The following TMEM87A variants were observed in gnomAD, a reference collection of about 807,000 sequenced individuals.
The protein encoded by TMEM87A is transmembrane protein 87A.
In TMEM87A, 50 loss-of-function variants were observed where a neutral mutation model predicts 90.0. The observed-to-expected ratio is 0.56, with a 90% confidence interval of 0.44 to 0.70. The LOEUF is 0.70. TMEM87A is among the 30% of genes least tolerant of loss of function. The pLI is 0.00. For synonymous variants in TMEM87A, 226 were observed against 226.7 expected (o/e 1.00, Z 0.03); for missense variants, 577 against 660.5 (o/e 0.87, Z 1.39).
At chr15:42,220,311 A>G (rs149780524) in intron 15 of TMEM87A, among the ~76,000 whole-genome samples, 176 bp from the exon 16 acceptor site, 284 of 152,366 alleles carry the variant, frequency 1.9e-3, no homozygotes, top group African/African-American at 6.4e-3. Flanking sequence ...TTAGCAAGGG[A>G]GAAGCAGGAC....
intron 2 of TMEM87A, among the ~76,000 whole-genome samples, 193 bp downstream of exon 2, chr15:42,271,870 C>T (rs1234901051): frequency 6.6e-6 from 1 of 151,038 alleles, no homozygotes; most frequent in African/African-American, 2.4e-5. Flanking sequence ...ACCAGAAAAA[C>T]AAGAGAAGAA....
chr15:42,225,252 T>G (rs902494153), intron 15 of TMEM87A, among the ~76,000 whole-genome samples: 5 of 151,888 alleles, frequency 3.3e-5, no homozygotes, highest in African/African-American at 1.2e-4. Flanking sequence ...TTTTCCTTCT[T>G]TGGTGGTATG....
At chr15:42,214,124 C>G (rs2050341333) in intron 19 of TMEM87A, among the ~76,000 whole-genome samples, 1 of 150,610 alleles carries the variant, frequency 6.6e-6, no homozygotes, top group South Asian at 2.1e-4. Context: ...ATAGAAAATC[C>G]GGGGGGGGAA....
intron 6 of TMEM87A, among the ~76,000 whole-genome samples, chr15:42,247,886 A>C (rs1421663324): frequency 6.6e-6 from 1 of 152,052 alleles, no homozygotes; most frequent in African/African-American, 2.4e-5. Flanking sequence ...CAGTATGGCC[A>C]TTTTCACAAT....
intron 15 of TMEM87A, among the ~76,000 whole-genome samples, chr15:42,221,295 G>C (rs12899160): frequency 1.4e-5 from 2 of 147,096 alleles, no homozygotes; most frequent in Non-Finnish European, 3.1e-5. Context: ...GAGAGAGAGA[G>C]ACAGAGAGAG....
chr15:42,220,763 T>G (rs1024291853), intron 15 of TMEM87A, among the ~76,000 whole-genome samples: 1 of 152,138 alleles, frequency 6.6e-6, no homozygotes, highest in African/African-American at 2.4e-5. Flanking sequence ...TAGAATGCTT[T>G]AGCTTTTATT....
intron 15 of TMEM87A, 48 bp downstream of exon 15, chr15:42,226,758 T>C: frequency 1.3e-6 from 2 of 1,534,788 alleles, no homozygotes; most frequent in South Asian, 1.1e-5. Context: ...CCCTAATTGA[T>C]GACATGGTCA....
intron 1 of TMEM87A, 182 bp downstream of exon 1, chr15:42,273,073 T>C (rs2051580268): frequency 1.2e-5 from 9 of 730,162 alleles, no homozygotes; most frequent in African/African-American, 1.1e-4. Flanking sequence ...GCTAGCCTAA[T>C]CACAGAAGTG....
intron 15 of TMEM87A, among the ~76,000 whole-genome samples, chr15:42,222,384 A>G (rs2140920369): frequency 6.6e-6 from 1 of 152,224 alleles, no homozygotes; most frequent in East Asian, 1.9e-4. Context: ...AGAGCCAGGT[A>G]GTATGCAGCT....
chr15:42,226,434 G>GA (rs1380019706), intron 15 of TMEM87A, among the ~76,000 whole-genome samples: 3 of 151,984 alleles, frequency 2.0e-5, no homozygotes, highest in Non-Finnish European at 2.9e-5. Context: ...ATATGCACTG[G>GA]AAAAAACAAA....
intron 6 of TMEM87A, chr15:42,258,799 T>C: frequency 6.9e-7 from 1 of 1,453,946 alleles, no homozygotes. Flanking sequence ...TAAAATTCTG[T>C]ACAAATAAAA....
intron 2 of TMEM87A, 87 bp from the exon 3 acceptor site, chr15:42,268,119 C>A: frequency 9.7e-7 from 1 of 1,031,282 alleles, no homozygotes; most frequent in Non-Finnish European, 1.4e-6. Flanking sequence ...CTATTCATTT[C>A]GTACCCTAAA....
At chr15:42,227,320 C>T (rs1171126111) in intron 14 of TMEM87A, among the ~76,000 whole-genome samples, 2 of 152,164 alleles carry the variant, frequency 1.3e-5, no homozygotes, top group Non-Finnish European at 2.9e-5. Flanking sequence ...AGAAATCCTA[C>T]TGTCACAGTC....
intron 4 of TMEM87A, among the ~76,000 whole-genome samples, chr15:42,263,809 G>A (rs1262354380): frequency 6.6e-6 from 1 of 152,182 alleles, no homozygotes; most frequent in African/African-American, 2.4e-5. Context: ...TATATTTAAT[G>A]CCACTGTATT....
chr15:42,218,431 C>G lies in TMEM87A; in HGVS notation c.1540-53G>C, dbSNP rs899134305. The G allele has an allele frequency of 3.2e-6, 5 of 1,551,910 alleles. No homozygotes were observed. The African/African-American group carries it at 4.1e-5, about 13-fold the overall frequency. On this transcript the variant is annotated intron_variant, in intron 17 of 19. Coordinates refer to ENST00000389834, the MANE Select transcript of TMEM87A (RefSeq NM_015497.5). ...CTAAAATGCACCACATAATACATCT[C>G]AAGTAAGGACATGAAGGTCTTAAAA...
chr15:42,273,298 A>G lies in TMEM87A; in HGVS notation c.101T>C (p.Val34Ala), dbSNP rs374705120. ...CCATTTGGACCGGTCGGCAGCAGCT[A>G]CGGTTGCCGGTCCCGCACTGAAAAA... ...LSFFSAGPATVAAADRSKWHI... is the reference protein window; with the variant it reads ...LSFFSAGPATAAAADRSKWHI... The change falls in exon 1 of 20, where the codon GTA becomes GCA. Residue 34 changes from valine to alanine, a missense_variant. Physicochemically the swap from Val to Ala is moderately conservative, Grantham distance 64. Transcript: ENST00000389834. 6.2e-7 allele frequency: 1 copy of G among 1,614,174 alleles called. No individual in the cohort carries two copies. Among genetic ancestry groups the G allele is most frequent in the Non-Finnish European group, 8.5e-7 (1 of 1,180,034 alleles).
intron 2 of TMEM87A, among the ~76,000 whole-genome samples, chr15:42,269,990 C>G (rs2051486122): frequency 6.8e-6 from 1 of 147,554 alleles, no homozygotes; most frequent in South Asian, 2.2e-4. Flanking sequence ...CCATGGAAAG[C>G]TATATACCAT....
intron 14 of TMEM87A, chr15:42,227,135 A>G (rs958253454): frequency 4.2e-5 from 22 of 529,972 alleles, no homozygotes; most frequent in Admixed American, 1.0e-4. Flanking sequence ...TCAACGGAAC[A>G]GAGTATTTGT....
At chr15:42,248,685 A>C (rs2051025179) in intron 6 of TMEM87A, among the ~76,000 whole-genome samples, 1 of 152,062 alleles carries the variant, frequency 6.6e-6, no homozygotes, top group Non-Finnish European at 1.5e-5. Flanking sequence ...TTCGGTTTGC[A>C]AGTATTTTAT....
Sources: allele counts gnomAD v4.1 joint callset (sites outside exome capture counted in the v4.1 genomes callset), GRCh38; gene constraint gnomAD v4.1.1; transcripts MANE v1.5; gene names NCBI Gene and HGNC (gene_info 2026-07-23, HGNC 2026-07-21).